Variants in ADAMTS12 observed in about 807,000 individuals in gnomAD.
The protein encoded by ADAMTS12 is ADAM metallopeptidase with thrombospondin type 1 motif 12, also known as A disintegrin and metalloproteinase with thrombospondin motifs 12.
ADAMTS12 carries 118 observed loss-of-function variants against 167.8 expected under a neutral mutation model. That is an observed-to-expected ratio of 0.70 (90% CI 0.61 to 0.82). ADAMTS12 has a LOEUF of 0.82. Ranked by LOEUF, ADAMTS12 falls within the 40% of genes least tolerant of loss-of-function variation. The probability of loss-of-function intolerance (pLI) is 0.00; values close to 1 mark genes in which losing one functional copy is unlikely to be tolerated. For synonymous variants in ADAMTS12, 704 were observed against 716.9 expected, an observed-to-expected ratio of 0.98 and a Z score of 0.29; for missense variants, 1,916 against 1,998.8, an observed-to-expected ratio of 0.96 and a Z score of 0.79.
chr5:33,781,834 T>A (rs1746139980), intron 2 of ADAMTS12, among the ~76,000 whole-genome samples: 1 of 152,068 alleles, frequency 6.6e-6, no homozygotes, highest in South Asian at 2.1e-4. Flanking sequence ...CTCCTAATGC[T>A]ATCCCTCCCC....
chr5:33,602,108 G>A (rs1220501098), intron 16 of ADAMTS12, among the ~76,000 whole-genome samples: 2 of 152,148 alleles, frequency 1.3e-5, no homozygotes, highest in African/African-American at 4.8e-5. Context: ...AGAGCACACC[G>A]AGCAAGGCAA....
intron 16 of ADAMTS12, 147 bp downstream of exon 16, chr5:33,614,091 G>T: frequency 9.1e-7 from 1 of 1,093,860 alleles, no homozygotes; most frequent in Non-Finnish European, 1.3e-6. Flanking sequence ...CCATGCCCAT[G>T]TTCACTGTCC....
At chr5:33,564,056 A>G (rs556760956) in intron 19 of ADAMTS12, among the ~76,000 whole-genome samples, 4 of 152,214 alleles carry the variant, frequency 2.6e-5, no homozygotes, top group Non-Finnish European at 4.4e-5. Context: ...TGAAAACACA[A>G]TTAAAGGAAT....
At chr5:33,574,959 T>C (rs1365107933) in intron 19 of ADAMTS12, among the ~76,000 whole-genome samples, 1 of 152,208 alleles carries the variant, frequency 6.6e-6, no homozygotes, top group East Asian at 1.9e-4. Context: ...TTACATTATA[T>C]TAACAAGTTT....
At chr5:33,679,124 A>C (rs2112253179) in intron 5 of ADAMTS12, among the ~76,000 whole-genome samples, 1 of 152,338 alleles carries the variant, frequency 6.6e-6, no homozygotes, top group East Asian at 1.9e-4. Flanking sequence ...TGTCTCCAGC[A>C]CAATCACTTT....
intron 8 of ADAMTS12, 66 bp downstream of exon 8, chr5:33,649,488 A>T: frequency 6.4e-7 from 1 of 1,570,020 alleles, no homozygotes. Context: ...TTCTCTGTGT[A>T]AAACTCAATG....
chr5:33,884,350 C>T (rs571678741), intron 1 of ADAMTS12, among the ~76,000 whole-genome samples: 1 of 152,282 alleles, frequency 6.6e-6, no homozygotes, highest in East Asian at 1.9e-4. Context: ...AAGAAGCAAC[C>T]ATGATCGCTG....
chr5:33,750,831 G>C (rs377613605), intron 3 of ADAMTS12, among the ~76,000 whole-genome samples: 1 of 152,196 alleles, frequency 6.6e-6, no homozygotes, highest in African/African-American at 2.4e-5. Flanking sequence ...GGCAGGGAAC[G>C]CAGCTCAGCA....
In ADAMTS12 at chr5:33,782,386, A is replaced by G. The variant is rs1020375934; in HGVS notation, c.490-30838T>C. On this transcript the variant is annotated intron_variant, in intron 2 of 23. Coordinates refer to ENST00000504830, the MANE Select transcript of ADAMTS12 (RefSeq NM_030955.4). ...AGCAAGGCAGTAAAAGAGAAACAGA[A>G]GAAGAAAAAGACATGAGACATGAAG... Among the ~76,000 whole-genome samples the G allele has an allele frequency of 7.3e-4, 111 of 152,154 alleles. 1 individual carries two copies. Among genetic ancestry groups the G allele is most frequent in the Non-Finnish European group, 5.3e-4 (36 of 68,012 alleles).
At chr5:33,787,024 T>G (rs1347276539) in intron 2 of ADAMTS12, among the ~76,000 whole-genome samples, 1 of 151,908 alleles carries the variant, frequency 6.6e-6, no homozygotes, top group Non-Finnish European at 1.5e-5. Flanking sequence ...TGAAATAACC[T>G]AAGTGGATGC....
chr5:33,694,610 G>C (rs552596229), intron 3 of ADAMTS12, among the ~76,000 whole-genome samples: 3 of 151,574 alleles, frequency 2.0e-5, no homozygotes, highest in African/African-American at 7.3e-5. Context: ...TGAACGCAGA[G>C]AGCCACATGA....
At chr5:33,788,554 T>A (rs1222426587) in intron 2 of ADAMTS12, among the ~76,000 whole-genome samples, 1 of 152,002 alleles carries the variant, frequency 6.6e-6, no homozygotes, top group Non-Finnish European at 1.5e-5. Context: ...TTCCACAGAA[T>A]CTCATTTTCC....
intron 2 of ADAMTS12, among the ~76,000 whole-genome samples, chr5:33,753,299 T>C (rs1745060970): frequency 6.6e-6 from 1 of 152,240 alleles, no homozygotes; most frequent in African/African-American, 2.4e-5. Flanking sequence ...GACATTTTTT[T>C]CAGTATCTGT....
intron 16 of ADAMTS12, among the ~76,000 whole-genome samples, chr5:33,608,813 C>T (rs924622805): frequency 1.3e-5 from 2 of 152,164 alleles, no homozygotes; most frequent in Non-Finnish European, 2.9e-5. Flanking sequence ...CAAACCCTGG[C>T]TGTGGTGATA....
At chr5:33,583,677 A>C (rs1040017552) in intron 18 of ADAMTS12, among the ~76,000 whole-genome samples, 1 of 152,184 alleles carries the variant, frequency 6.6e-6, no homozygotes, top group African/African-American at 2.4e-5. Context: ...TTTGGATGTA[A>C]GCCATTTTAA....
intron 2 of ADAMTS12, among the ~76,000 whole-genome samples, chr5:33,819,459 T>C (rs1747789611): frequency 6.6e-6 from 1 of 152,210 alleles, no homozygotes; most frequent in Non-Finnish European, 1.5e-5. Flanking sequence ...CATACTGTTT[T>C]GATTACTGTA....
intron 2 of ADAMTS12, among the ~76,000 whole-genome samples, chr5:33,764,547 C>A (rs1426623103): frequency 6.6e-6 from 1 of 152,118 alleles, no homozygotes; most frequent in Non-Finnish European, 1.5e-5. Flanking sequence ...GTCCAGCACT[C>A]CAATGCCATC....
chr5:33,588,867 C>T (rs1267262421), intron 17 of ADAMTS12, 58 bp from the exon 18 acceptor site: 10 of 1,587,036 alleles, frequency 6.3e-6, no homozygotes, highest in African/African-American at 1.3e-5. Context: ...ATGTTCCATT[C>T]AACCACTGAG....
intron 22 of ADAMTS12, among the ~76,000 whole-genome samples, chr5:33,541,026 A>G (rs1016623795): frequency 6.6e-6 from 1 of 152,168 alleles, no homozygotes; most frequent in Non-Finnish European, 1.5e-5. Flanking sequence ...GTCAGTAATA[A>G]CAATTTCTCT....
Sources: gnomAD v4.1 joint callset for allele counts (sites outside exome capture counted in the v4.1 genomes callset) on GRCh38, gnomAD v4.1.1 for gene constraint, MANE v1.5 for transcripts, NCBI Gene and HGNC (gene_info 2026-07-23, HGNC 2026-07-21) for gene names.